Variants in UBE2E2 observed in about 807,000 individuals in gnomAD.
The protein encoded by UBE2E2 is ubiquitin-conjugating enzyme E2 E2.
A neutral mutation model predicts 24.7 loss-of-function variants in UBE2E2; 6 were observed. The ratio of observed to expected loss-of-function variants is 0.24; its 90% CI spans 0.13 to 0.48. The LOEUF is 0.48. UBE2E2 is among the 20% of genes least tolerant of loss of function. UBE2E2 has a pLI of 0.99. For missense variants in UBE2E2, 169 were observed against 245.0 expected (o/e 0.69, Z 2.07); for synonymous variants, 104 against 83.6 (o/e 1.24, Z -1.33).
intron 3 of UBE2E2, among the ~76,000 whole-genome samples, chr3:23,434,780 C>G (rs943091907): frequency 3.3e-5 from 5 of 152,152 alleles, no homozygotes; most frequent in Non-Finnish European, 1.5e-5. Context: ...AAAGGAAATT[C>G]TCTCAGTGTA....
At chr3:23,485,245 A>T (rs1040450192) in intron 3 of UBE2E2, among the ~76,000 whole-genome samples, 1 of 151,918 alleles carries the variant, frequency 6.6e-6, no homozygotes, top group Non-Finnish European at 1.5e-5. Flanking sequence ...ACAGGTGCCT[A>T]TAACCACACC....
chr3:23,444,080 T>C (rs1206822720), intron 3 of UBE2E2, among the ~76,000 whole-genome samples: 1 of 151,544 alleles, frequency 6.6e-6, no homozygotes, highest in Admixed American at 6.6e-5. Flanking sequence ...TTTTTTTTTT[T>C]TTGCCAGCTT....
At chr3:23,475,503 A>T (rs546616549) in intron 3 of UBE2E2, among the ~76,000 whole-genome samples, 3 of 151,984 alleles carry the variant, frequency 2.0e-5, no homozygotes, top group African/African-American at 7.3e-5. Context: ...CATGTCCTCA[A>T]TCTCAGCTAT....
intron 4 of UBE2E2, among the ~76,000 whole-genome samples, chr3:23,528,751 C>G (rs947625328): frequency 2.6e-5 from 4 of 152,192 alleles, no homozygotes; most frequent in African/African-American, 7.2e-5. Flanking sequence ...GGCAGGTTAA[C>G]TGGCAGAGTG....
chr3:23,342,163 T>G (rs1175950165), intron 3 of UBE2E2, among the ~76,000 whole-genome samples: 2 of 151,456 alleles, frequency 1.3e-5, no homozygotes, highest in Non-Finnish European at 2.9e-5. Flanking sequence ...TTAAGCATTA[T>G]GGGGGGTACT....
intron 3 of UBE2E2, among the ~76,000 whole-genome samples, chr3:23,485,895 A>G (rs1476387097): frequency 1.3e-5 from 2 of 152,238 alleles, no homozygotes; most frequent in South Asian, 2.1e-4. Context: ...TTTCCATGGT[A>G]TAAGTGCAGA....
At chr3:23,573,134 G>A (rs967878648) in intron 5 of UBE2E2, among the ~76,000 whole-genome samples, 2 of 152,128 alleles carry the variant, frequency 1.3e-5, no homozygotes, top group African/African-American at 4.8e-5. Context: ...TCAGGAGTGA[G>A]TAAAGCAAAA....
At chr3:23,321,824 A>C (rs1022640435) in intron 3 of UBE2E2, among the ~76,000 whole-genome samples, 1 of 151,790 alleles carries the variant, frequency 6.6e-6, no homozygotes, top group Non-Finnish European at 1.5e-5. Flanking sequence ...GATTTATCCA[A>C]GCTCTTTATA....
At chr3:23,264,870 T>G (rs1332747148) in intron 3 of UBE2E2, among the ~76,000 whole-genome samples, 1 of 152,206 alleles carries the variant, frequency 6.6e-6, no homozygotes, top group East Asian at 1.9e-4. Flanking sequence ...GTTAAGTGAT[T>G]GTCTTACAAG....
chr3:23,466,756 A>G (rs980669154), intron 3 of UBE2E2, among the ~76,000 whole-genome samples: 1 of 152,018 alleles, frequency 6.6e-6, no homozygotes, highest in African/African-American at 2.4e-5. Context: ...TTTAGTAGAG[A>G]CAGGGTTTCA....
chr3:23,216,778 C>T (rs143637754), intron 2 of UBE2E2, among the ~76,000 whole-genome samples: 1 of 152,148 alleles, frequency 6.6e-6, no homozygotes, highest in Admixed American at 6.6e-5. Context: ...AAAGTCCCAA[C>T]CTGGTCCAAA....
At chr3:23,335,320 C>T (rs958218100) in intron 3 of UBE2E2, among the ~76,000 whole-genome samples, 5 of 151,990 alleles carry the variant, frequency 3.3e-5, no homozygotes, top group African/African-American at 7.3e-5. Context: ...CTTTCATTGG[C>T]GTAGTTCATT....
chr3:23,547,849 C>T (rs978187319), intron 5 of UBE2E2, among the ~76,000 whole-genome samples: 4 of 152,122 alleles, frequency 2.6e-5, no homozygotes, highest in Middle Eastern at 3.2e-3. Context: ...TACTACCCAC[C>T]CAGCCCTAAG....
chr3:23,417,617 C>T (rs1320762763), intron 3 of UBE2E2, among the ~76,000 whole-genome samples: 1 of 152,192 alleles, frequency 6.6e-6, no homozygotes, highest in Non-Finnish European at 1.5e-5. Context: ...GCAGAGCCGG[C>T]AGGCAGGAAC....
At chr3:23,551,105 G>A (rs1575701580) in intron 5 of UBE2E2, among the ~76,000 whole-genome samples, 3 of 152,180 alleles carry the variant, frequency 2.0e-5, no homozygotes, top group South Asian at 2.1e-4. Flanking sequence ...TTGGAATAAG[G>A]TACAACATTC....
chr3:23,505,821 A>G (rs1038609832), intron 4 of UBE2E2, among the ~76,000 whole-genome samples: 13 of 152,170 alleles, frequency 8.5e-5, no homozygotes, highest in African/African-American at 2.9e-4. Context: ...AGTGAAATAG[A>G]TGGGGTCTTC....
chr3:23,396,189 G>T (rs548236268), intron 3 of UBE2E2, among the ~76,000 whole-genome samples: 1 of 150,860 alleles, frequency 6.6e-6, no homozygotes, highest in African/African-American at 2.4e-5. Flanking sequence ...ACTTAATTTT[G>T]CCTATGAATT....
intron 4 of UBE2E2, among the ~76,000 whole-genome samples, chr3:23,518,596 G>A (rs899595517): frequency 6.6e-6 from 1 of 152,120 alleles, no homozygotes; most frequent in African/African-American, 2.4e-5. Flanking sequence ...GCTTGCCTTA[G>A]GCTCTTCTCA....
chr3:23,258,517 G>A (rs1197740249), intron 3 of UBE2E2, among the ~76,000 whole-genome samples: 1 of 152,072 alleles, frequency 6.6e-6, no homozygotes, highest in South Asian at 2.1e-4. Context: ...TAATAACAAC[G>A]ACAGTAAAAT....
Sources: allele counts gnomAD v4.1 joint callset (sites outside exome capture counted in the v4.1 genomes callset), GRCh38; gene constraint gnomAD v4.1.1; transcripts MANE v1.5; gene names NCBI Gene and HGNC (gene_info 2026-07-23, HGNC 2026-07-21).